The following MINPP1 variants were observed in gnomAD, a reference collection of about 807,000 sequenced individuals.
MINPP1 encodes multiple inositol-polyphosphate phosphatase 1.
Under a neutral mutation model 46.1 loss-of-function variants are expected in MINPP1, and 28 were observed. The observed-to-expected ratio is 0.61, with a 90% CI of 0.45 to 0.83. The LOEUF is 0.83. Ranked by LOEUF, MINPP1 falls within the 40% of genes least tolerant of loss-of-function variation. The pLI is 0.00. For missense variants in MINPP1, 603 were observed against 610.0 expected (o/e 0.99, Z 0.12); for synonymous variants, 268 against 249.1 (o/e 1.08, Z -0.72).
At chr10:87,512,904 C>T (rs529618606) in intron 2 of MINPP1, among the ~76,000 whole-genome samples, 4 of 152,066 alleles carry the variant, frequency 2.6e-5, no homozygotes, top group African/African-American at 9.7e-5. Context: ...TTTATACTTC[C>T]TCATGGTTTC....
chr10:87,531,258 A>T (rs925493309), intron 4 of MINPP1, among the ~76,000 whole-genome samples: 3 of 152,180 alleles, frequency 2.0e-5, no homozygotes, highest in Non-Finnish European at 1.5e-5. Context: ...GAAATGCAGA[A>T]ATCACCTGTC....
intron 4 of MINPP1, among the ~76,000 whole-genome samples, chr10:87,543,806 C>T (rs1052581777): frequency 1.3e-5 from 2 of 152,230 alleles, no homozygotes; most frequent in African/African-American, 2.4e-5. Context: ...AGAAGTCACT[C>T]ATCACCAAGG....
intron 4 of MINPP1, among the ~76,000 whole-genome samples, chr10:87,529,123 TC>T (rs1180475359): frequency 6.6e-6 from 1 of 152,224 alleles, no homozygotes; most frequent in Non-Finnish European, 1.5e-5. Context: ...GAGTTGTGTC[TC>T]CTGAATACAG....
rs564699564 is a variant in MINPP1 at position 87,520,943 on chromosome 10, CATT to C, written c.934-92_934-90del. 1,241 of 649,756 alleles carry C rather than the reference CATT, an allele frequency of 1.9e-3. 7 individuals are homozygous for C. The African/African-American group carries it at 0.02, about 10-fold the overall frequency. The allele number at this position is 649,756 out of a possible 1,614,324, so 40.2% of individuals were successfully genotyped here. A position where few individuals can be genotyped will look rare whatever the true frequency, so the allele number is the denominator to read the frequency against. Reference sequence around the variant, plus strand: ...TATTTTGTGCAGAATGGTAATTAAACATTGTAACCATTTCTTAGAGAATCATTA... The same window carrying C: ...TATTTTGTGCAGAATGGTAATTAAACGTAACCATTTCTTAGAGAATCATTA... On this transcript the variant is annotated intron_variant, in intron 3 of 4. Coordinates refer to ENST00000371996, the MANE Select transcript of MINPP1 (RefSeq NM_004897.5).
In MINPP1 at chr10:87,505,998, C is replaced by T. The variant is rs1167081353; in HGVS notation, c.637+446C>T. On this transcript the variant is annotated intron_variant, in intron 1 of 4. Coordinates refer to ENST00000371996, the MANE Select transcript of MINPP1 (RefSeq NM_004897.5). The surrounding 1 kb of genome is among the most constrained non-coding windows in gnomAD (Gnocchi z 4.4). ...AATTTTCTTCCTCGGGCTTTGCTTC[C>T]GATACTAGTTTTTCCTTCTTTCTTT... Among the ~76,000 whole-genome samples the T allele has an allele frequency of 6.6e-6, 1 of 151,754 alleles. No homozygotes were observed. The highest frequency in any genetic ancestry group is 3.4e-3 in the Middle Eastern group (1 of 294).
chr10:87,514,962 C>A (rs188108883), intron 3 of MINPP1, among the ~76,000 whole-genome samples: 5 of 151,924 alleles, frequency 3.3e-5, no homozygotes, highest in Admixed American at 6.5e-5. Flanking sequence ...GTGATCTGCC[C>A]GCCTGGGCCC....
At chr10:87,521,843 C>T (rs1334575256) in intron 4 of MINPP1, among the ~76,000 whole-genome samples, 1 of 152,164 alleles carries the variant, frequency 6.6e-6, no homozygotes, top group African/African-American at 2.4e-5. Flanking sequence ...TTATAATCTT[C>T]AATTAAAAAT....
At chr10:87,539,574 A>G (rs1382240526) in intron 4 of MINPP1, among the ~76,000 whole-genome samples, 2 of 152,240 alleles carry the variant, frequency 1.3e-5, no homozygotes, top group African/African-American at 4.8e-5. Flanking sequence ...TTTGTGGAAT[A>G]TATATGACTT....
intron 4 of MINPP1, among the ~76,000 whole-genome samples, chr10:87,523,627 A>G (rs1032351391): frequency 6.6e-6 from 1 of 151,196 alleles, no homozygotes; most frequent in Admixed American, 6.6e-5. Flanking sequence ...CAAGAAATTT[A>G]TTTCTTAAAT....
At chr10:87,523,845 ATCTT>A (rs1255698398) in intron 4 of MINPP1, among the ~76,000 whole-genome samples, 1 of 152,196 alleles carries the variant, frequency 6.6e-6, no homozygotes. Flanking sequence ...TTTGAAAGGA[ATCTT>A]TCTTTCTGAG....
chr10:87,508,433 T>C lies in MINPP1; in HGVS notation c.735T>C (p.Ala245=), dbSNP rs1445813525. ...CTGAAGTAGAAAAAAATGCTACAGC[T>C]CTTTATCACGTGGAAGCCTTCAAAA... ...FLTEVEKNAT[A]LYHVEAFKTG... The change falls in exon 2 of 5, where the codon GCT becomes GCC. Residue 245 remains alanine (A), a synonymous_variant. Transcript: ENST00000371996. 1 of 1,613,832 alleles carries C rather than the reference T, an allele frequency of 6.2e-7. No individual in the cohort carries two copies. Among genetic ancestry groups the C allele is most frequent in the Non-Finnish European group, 8.5e-7 (1 of 1,179,860 alleles).
At chr10:87,530,658 T>C (rs1009203294) in intron 4 of MINPP1, among the ~76,000 whole-genome samples, 1 of 152,188 alleles carries the variant, frequency 6.6e-6, no homozygotes, top group Non-Finnish European at 1.5e-5. Flanking sequence ...TCAAGGACCC[T>C]CTTGAGGAGG....
At chr10:87,518,271 T>A (rs551710313) in intron 3 of MINPP1, among the ~76,000 whole-genome samples, 14 of 151,848 alleles carry the variant, frequency 9.2e-5, no homozygotes, top group Middle Eastern at 3.4e-3. Flanking sequence ...TTTTTTTTTT[T>A]AAATATAAAG....
chr10:87,523,851 C>G (rs1851537091), intron 4 of MINPP1, among the ~76,000 whole-genome samples: 1 of 152,186 alleles, frequency 6.6e-6, no homozygotes. Context: ...AGGAATCTTT[C>G]TTTCTGAGCA....
chr10:87,530,942 C>T (rs867181589), intron 4 of MINPP1, among the ~76,000 whole-genome samples: 10 of 152,130 alleles, frequency 6.6e-5, no homozygotes, highest in Non-Finnish European at 8.8e-5. Context: ...CCTTGCAATT[C>T]GATTTCAGGC....
chr10:87,522,197 T>A (rs72634986), intron 4 of MINPP1, among the ~76,000 whole-genome samples: 18,600 of 152,016 alleles, frequency 0.12, 1,377 homozygotes, highest in Non-Finnish European at 0.17. Flanking sequence ...AGTGGAAAAA[T>A]TTTTTTTAAA....
In MINPP1 at chr10:87,513,200, T is replaced by C; in HGVS notation, c.912T>C (p.Val304=). 2 of 1,613,440 alleles carry C rather than the reference T, an allele frequency of 1.2e-6. No homozygotes were observed. The highest frequency in any genetic ancestry group is 1.7e-6 in the Non-Finnish European group (2 of 1,179,444). Residue 304 remains valine, a synonymous_variant, in exon 3 of 5, where the codon GTT becomes GTC. Transcript: ENST00000371996. ...IKGVKSPWCD[V]FDIDDAKVLE... is the part of the protein sequence containing the mutation. ...GTGTTAAATCTCCTTGGTGTGATGT[T>C]TTTGACATAGATGATGCAAAGGTAA...
intron 2 of MINPP1, among the ~76,000 whole-genome samples, chr10:87,511,539 A>G (rs146921015): frequency 1.2e-4 from 18 of 152,358 alleles, no homozygotes; most frequent in African/African-American, 3.8e-4. Context: ...CAGAAGGGTC[A>G]TAACAGATAA....
chr10:87,545,863 T>A (rs1438793118), intron 4 of MINPP1, among the ~76,000 whole-genome samples: 1 of 152,216 alleles, frequency 6.6e-6, no homozygotes, highest in Non-Finnish European at 1.5e-5. Flanking sequence ...ATTGACATAT[T>A]CTCTTTCTTC....
Sources: allele counts gnomAD v4.1 joint callset (sites outside exome capture counted in the v4.1 genomes callset), GRCh38; gene constraint gnomAD v4.1.1; non-coding constraint Gnocchi (gnomAD v3.1); transcripts MANE v1.5; gene names NCBI Gene and HGNC (gene_info 2026-07-23, HGNC 2026-07-21).